Variants in IL19 observed in about 807,000 individuals in gnomAD.
The protein encoded by IL19 is interleukin 19.
In IL19, 15 loss-of-function variants were observed where a neutral mutation model predicts 19.5. The observed-to-expected ratio is 0.77, with a 90% CI of 0.52 to 1.19. The LOEUF is 1.19. Among genes scored for constraint, IL19 ranks in the 50% most tolerant of loss-of-function variants. The probability of loss-of-function intolerance (pLI) is 0.00; values close to 1 mark genes in which losing one functional copy is unlikely to be tolerated. For synonymous variants in IL19, 78 were observed against 78.3 expected (o/e 1.00, Z 0.02); for missense variants, 199 against 213.1 (o/e 0.93, Z 0.41).
intron 1 of IL19, among the ~76,000 whole-genome samples, chr1:206,777,934 T>G (rs1675048102): frequency 6.6e-6 from 1 of 152,194 alleles, no homozygotes; most frequent in Non-Finnish European, 1.5e-5. Flanking sequence ...CCAATGCCTA[T>G]CACACACCCA....
chr1:206,776,080 C>T (rs1028996393), intron 1 of IL19, among the ~76,000 whole-genome samples: 2 of 152,188 alleles, frequency 1.3e-5, no homozygotes, highest in East Asian at 1.9e-4. Context: ...GAATACCTCT[C>T]TTCTTCCATC....
chr1:206,840,648 T>G (rs1450695655), intron 5 of IL19: 1 of 217,306 alleles, frequency 4.6e-6, no homozygotes, highest in East Asian at 1.0e-4. Flanking sequence ...GTTGTTTAAT[T>G]AACAATTCGT....
intron 2 of IL19, among the ~76,000 whole-genome samples, chr1:206,831,861 T>G (rs1478168013): frequency 6.6e-6 from 1 of 152,242 alleles, no homozygotes; most frequent in African/African-American, 2.4e-5. Flanking sequence ...CTTATTTCCC[T>G]TCCCCTGCAA....
chr1:206,799,415 A>G (rs143541955), intron 2 of IL19, among the ~76,000 whole-genome samples: 75 of 152,304 alleles, frequency 4.9e-4, no homozygotes, highest in Admixed American at 1.4e-3. Flanking sequence ...GTGTCTCAGA[A>G]TATCCATGGG....
chr1:206,834,296 C>G (rs2243158), intron 2 of IL19: 892,679 of 985,412 alleles, frequency 0.91, 404,556 homozygotes, highest in South Asian at 0.92. Context: ...CAAACCTTGA[C>G]AGCATTTCCT....
chr1:206,792,677 G>A (rs750144688), intron 1 of IL19, among the ~76,000 whole-genome samples: 4 of 152,032 alleles, frequency 2.6e-5, no homozygotes, highest in Admixed American at 6.6e-5. Context: ...GGATGGTCTC[G>A]ATCTCCTGAC....
chr1:206,780,740 A>G (rs1675110271), intron 1 of IL19, among the ~76,000 whole-genome samples: 1 of 152,166 alleles, frequency 6.6e-6, no homozygotes, highest in South Asian at 2.1e-4. Context: ...TCTGAATGCA[A>G]TTCTTTTTCA....
intron 5 of IL19, 115 bp from the exon 6 acceptor site, chr1:206,840,889 C>A: frequency 1.2e-6 from 1 of 820,388 alleles, no homozygotes; most frequent in Non-Finnish European, 2.1e-6. Context: ...GTTTACTCAT[C>A]TGACTCTCAC....
chr1:206,833,602 G>T (rs1676683147), intron 2 of IL19: 1 of 915,830 alleles, frequency 1.1e-6, no homozygotes, highest in Non-Finnish European at 1.3e-6. Flanking sequence ...GAACTTCTTG[G>T]TAAAGAGTTT....
At chr1:206,787,882 T>A (rs975573380) in intron 1 of IL19, among the ~76,000 whole-genome samples, 1 of 152,202 alleles carries the variant, frequency 6.6e-6, no homozygotes, top group Non-Finnish European at 1.5e-5. Flanking sequence ...AATCTTTTCC[T>A]GGGCTGCGTT....
At chr1:206,819,161 A>C (rs1676233530) in intron 2 of IL19, among the ~76,000 whole-genome samples, 3 of 151,988 alleles carry the variant, frequency 2.0e-5, no homozygotes, top group Admixed American at 2.0e-4. Context: ...GGCTGGCCTC[A>C]AACTCCTGGG....
chr1:206,834,350 G>A lies in IL19; in HGVS notation c.-2-2311G>A, dbSNP rs59192988. 4.6e-4 allele frequency: 457 copies of A among 985,656 alleles called. 1 individual carries two copies. The African/African-American group carries it at 7.1e-3, about 15-fold the overall frequency. 61.1% of individuals were successfully genotyped at this position (985,656 alleles called of 1,614,324 possible). ...AATGACCAGCCCTTTCCAAATGGCAGAGAGCACTGAGAGGAGACACAAGGA... is the reference window on the plus strand; with the variant it reads ...AATGACCAGCCCTTTCCAAATGGCAAAGAGCACTGAGAGGAGACACAAGGA... On this transcript the variant is annotated intron_variant, in intron 2 of 6. Transcript: ENST00000659997.
At chr1:206,823,215 G>A (rs745511465) in intron 2 of IL19, among the ~76,000 whole-genome samples, 7 of 151,784 alleles carry the variant, frequency 4.6e-5, no homozygotes, top group Non-Finnish European at 8.8e-5. Context: ...ATATGCCACC[G>A]CACCTGGCCT....
intron 1 of IL19, among the ~76,000 whole-genome samples, chr1:206,774,970 G>A (rs576437732): frequency 3.3e-5 from 5 of 152,188 alleles, no homozygotes; most frequent in African/African-American, 1.2e-4. Context: ...CAGGGAGAAG[G>A]GAGGTATGTA....
At chr1:206,795,512 A>C (rs752750588) in intron 1 of IL19, among the ~76,000 whole-genome samples, 1 of 152,066 alleles carries the variant, frequency 6.6e-6, no homozygotes, top group Non-Finnish European at 1.5e-5. Flanking sequence ...TTTCTACTCA[A>C]CCCAAGCCAA....
intron 2 of IL19, among the ~76,000 whole-genome samples, chr1:206,803,212 T>C (rs1332763232): frequency 1.3e-5 from 2 of 152,184 alleles, no homozygotes; most frequent in East Asian, 3.9e-4. Flanking sequence ...GTAATGCAGT[T>C]ACATCCATGG....
At chr1:206,787,195 C>T (rs1246711084) in intron 1 of IL19, among the ~76,000 whole-genome samples, 1 of 152,196 alleles carries the variant, frequency 6.6e-6, no homozygotes, top group African/African-American at 2.4e-5. Flanking sequence ...ACCACCCTTC[C>T]TTTTCACCAA....
At chr1:206,779,483 T>A (rs776680278) in intron 1 of IL19, among the ~76,000 whole-genome samples, 1 of 152,180 alleles carries the variant, frequency 6.6e-6, no homozygotes. Flanking sequence ...GTAGCCCCCA[T>A]GGCCTAGTGT....
At chr1:206,832,574 A>G (rs554885047) in intron 2 of IL19, among the ~76,000 whole-genome samples, 22 of 152,312 alleles carry the variant, frequency 1.4e-4, no homozygotes, top group Admixed American at 5.2e-4. Flanking sequence ...TTATTATGAA[A>G]TGCCTCTTTC....
Sources: gnomAD v4.1 joint callset for allele counts (sites outside exome capture counted in the v4.1 genomes callset) on GRCh38, gnomAD v4.1.1 for gene constraint, MANE v1.5 for transcripts, NCBI Gene and HGNC (gene_info 2026-07-23, HGNC 2026-07-21) for gene names.